SYNPR: variants seen among roughly 807,000 people sequenced by gnomAD.
SYNPR encodes synaptoporin.
In SYNPR, 23 loss-of-function variants were observed where a neutral mutation model predicts 32.9. The observed-to-expected ratio is 0.70, with a 90% CI of 0.50 to 0.99. SYNPR has a LOEUF of 0.99. SYNPR is among the 50% of genes least tolerant of loss of function. SYNPR has a pLI of 0.00. For missense variants in SYNPR, 318 were observed against 349.3 expected, an observed-to-expected ratio of 0.91 and a Z score of 0.71; for synonymous variants, 146 against 135.9, an observed-to-expected ratio of 1.07 and a Z score of -0.52.
chr3:63,218,711 A>G, the SYNPR span, among the ~76,000 whole-genome samples: 1 of 152,128 alleles, frequency 6.6e-6, no homozygotes, highest in African/African-American at 2.4e-5. Flanking sequence ...TCTGCCTGAA[A>G]GGTGTTTTTT....
At chr3:63,311,409 G>A (rs781757790) in intron 2 of SYNPR, among the ~76,000 whole-genome samples, 10 of 151,884 alleles carry the variant, frequency 6.6e-5, no homozygotes, top group African/African-American at 9.7e-5. Context: ...CCCAACCCCC[G>A]GGCCAAAGAC....
At chr3:63,297,870 CAGTT>C (rs949241513) in intron 2 of SYNPR, among the ~76,000 whole-genome samples, 14 of 152,032 alleles carry the variant, frequency 9.2e-5, no homozygotes, top group African/African-American at 3.4e-4. Context: ...CAGGTGGAGT[CAGTT>C]GGTTGCCAGA....
chr3:63,306,662 A>G (rs1254667455), intron 2 of SYNPR, among the ~76,000 whole-genome samples: 2 of 152,066 alleles, frequency 1.3e-5, no homozygotes, highest in Non-Finnish European at 2.9e-5. Context: ...TTCAAACTGC[A>G]AAGAAATCAA....
intron 5 of SYNPR, among the ~76,000 whole-genome samples, chr3:63,614,619 T>G (rs1408563255): frequency 6.6e-6 from 1 of 152,250 alleles, no homozygotes; most frequent in East Asian, 1.9e-4. Context: ...ATCATGCATA[T>G]GCTTATTTGC....
chr3:63,262,436 CCTTT>C (rs1382439439), intron 2 of SYNPR, among the ~76,000 whole-genome samples: 2 of 152,054 alleles, frequency 1.3e-5, no homozygotes, highest in Non-Finnish European at 2.9e-5. Context: ...GTGGCTTCTT[CCTTT>C]GTCTTTTTTC....
chr3:63,421,875 C>T (rs1329695284), intron 2 of SYNPR, among the ~76,000 whole-genome samples: 1 of 152,200 alleles, frequency 6.6e-6, no homozygotes, highest in African/African-American at 2.4e-5. Flanking sequence ...TTCCAGGCTA[C>T]CAGGACAGCT....
intron 4 of SYNPR, among the ~76,000 whole-genome samples, chr3:63,606,309 A>G (rs531610015): frequency 6.6e-6 from 1 of 151,706 alleles, no homozygotes; most frequent in South Asian, 2.1e-4. Context: ...TTAAAATACC[A>G]TGTTTATTCT....
chr3:63,560,767 C>A (rs1350255270), intron 4 of SYNPR, among the ~76,000 whole-genome samples: 4 of 152,142 alleles, frequency 2.6e-5, no homozygotes, highest in Admixed American at 6.5e-5. Context: ...ACCGTCAGAT[C>A]TCATGAGAAC....
chr3:63,253,308 C>T (rs913184632), intron 2 of SYNPR, among the ~76,000 whole-genome samples: 6 of 152,006 alleles, frequency 3.9e-5, no homozygotes, highest in Non-Finnish European at 7.4e-5. Context: ...ATAGTAACTA[C>T]AAAACATGAT....
chr3:63,425,672 G>T (rs1189979023), intron 2 of SYNPR, among the ~76,000 whole-genome samples: 1 of 151,944 alleles, frequency 6.6e-6, no homozygotes, highest in African/African-American at 2.4e-5. Context: ...ACCTTAGGCA[G>T]GTTACTTAAT....
chr3:63,595,834 TATATATATAGTTTTATATATATATAG>T (rs1559546418), intron 4 of SYNPR, among the ~76,000 whole-genome samples: 4 of 58,126 alleles, frequency 6.9e-5, no homozygotes, highest in African/African-American at 3.2e-4. Context: ...TATATATAGT[TATATATATAGTTTTATATATATATAG>T]TTATATATAT....
intron 3 of SYNPR, among the ~76,000 whole-genome samples, chr3:63,510,853 C>A (rs1297390765): frequency 6.6e-6 from 1 of 151,604 alleles, no homozygotes; most frequent in Non-Finnish European, 1.5e-5. Context: ...ATGTAAGTAT[C>A]CAAGACTTCT....
chr3:63,283,835 T>TTA (rs2086654910), intron 2 of SYNPR, among the ~76,000 whole-genome samples: 3 of 133,800 alleles, frequency 2.2e-5, no homozygotes, highest in Non-Finnish European at 3.3e-5. Flanking sequence ...TTTTTTTTTT[T>TTA]GAGACGGAGT....
At chr3:63,439,185 A>T (rs1036228840) in intron 2 of SYNPR, among the ~76,000 whole-genome samples, 1 of 152,232 alleles carries the variant, frequency 6.6e-6, no homozygotes, top group Admixed American at 6.5e-5. Context: ...CAACTGAAAG[A>T]TCACAGTTGA....
intron 2 of SYNPR, among the ~76,000 whole-genome samples, chr3:63,348,893 T>C (rs539307476): frequency 1.3e-3 from 199 of 152,292 alleles, no homozygotes; most frequent in Non-Finnish European, 2.5e-3. Flanking sequence ...TCTATATGTC[T>C]ATGCTGTTTT....
intron 4 of SYNPR, among the ~76,000 whole-genome samples, chr3:63,560,416 C>T (rs1702666270): frequency 6.6e-6 from 1 of 152,106 alleles, no homozygotes; most frequent in Admixed American, 6.6e-5. Flanking sequence ...CAGGTTTAAG[C>T]GAATTCACAG....
intron 2 of SYNPR, among the ~76,000 whole-genome samples, chr3:63,466,264 T>G (rs1700676894): frequency 6.6e-6 from 1 of 152,134 alleles, no homozygotes; most frequent in Non-Finnish European, 1.5e-5. Flanking sequence ...TTTCTCTTTT[T>G]CTTTTCTCTT....
At chr3:63,361,204 T>G (rs1481934655) in intron 2 of SYNPR, among the ~76,000 whole-genome samples, 1 of 151,992 alleles carries the variant, frequency 6.6e-6, no homozygotes, top group Non-Finnish European at 1.5e-5. Flanking sequence ...CAAGGTAAGT[T>G]TCTGTTAAAA....
chr3:63,419,152 G>C (rs72883794), intron 2 of SYNPR, among the ~76,000 whole-genome samples: 1 of 152,252 alleles, frequency 6.6e-6, no homozygotes, highest in African/African-American at 2.4e-5. Context: ...TTCCTTGAAG[G>C]CTTTGCAAAG....
Sources: allele counts gnomAD v4.1 joint callset (sites outside exome capture counted in the v4.1 genomes callset), GRCh38; gene constraint gnomAD v4.1.1; transcripts MANE v1.5; gene names NCBI Gene and HGNC (gene_info 2026-07-23, HGNC 2026-07-21).